Variants in PSMD1 observed in about 807,000 individuals in gnomAD.
The protein encoded by PSMD1 is proteasome 26S subunit, non-ATPase 1, also known as 26S proteasome non-ATPase regulatory subunit 1.
In PSMD1, 18 loss-of-function variants were observed where a neutral mutation model predicts 119.0. The observed-to-expected ratio is 0.15, with a 90% confidence interval of 0.10 to 0.22. PSMD1 has a LOEUF of 0.22. Among genes scored for constraint, PSMD1 ranks in the 10% least tolerant of loss-of-function variants. The probability of loss-of-function intolerance (pLI) is 1.00; values close to 1 mark genes in which losing one functional copy is unlikely to be tolerated. For synonymous variants in PSMD1, 374 were observed against 396.6 expected (o/e 0.94, Z 0.68); for missense variants, 702 against 1,158.5 (o/e 0.61, Z 5.72).
Position 231,130,487 on chromosome 2 carries a change from T to G in PSMD1, c.1884-8249T>G, listed in dbSNP as rs375924742. 3.3e-5 allele frequency among the ~76,000 whole-genome samples: 5 copies of G among 152,292 alleles called. No homozygotes were observed. In the East Asian group the frequency reaches 9.6e-4, roughly 29 times the overall value. On this transcript the variant is annotated intron_variant, in intron 16 of 24. Transcript: ENST00000308696. ...ACGTTGTTTTGTTTTGTTTTGTTTT[T>G]TGAGACAAGGCATCACTCTGTTGCC...
chr2:231,127,026 C>G (rs1392991797), intron 16 of PSMD1, among the ~76,000 whole-genome samples: 2 of 152,208 alleles, frequency 1.3e-5, no homozygotes, highest in East Asian at 3.9e-4. Flanking sequence ...TACACACATA[C>G]ACGCACACAC....
chr2:231,069,816 C>T (rs902227270), intron 5 of PSMD1, among the ~76,000 whole-genome samples: 2 of 151,986 alleles, frequency 1.3e-5, no homozygotes, highest in Non-Finnish European at 2.9e-5. Context: ...TATTTTTAAT[C>T]CATTTTTTAT....
chr2:231,078,101 C>G (rs1434869405), intron 9 of PSMD1, among the ~76,000 whole-genome samples: 2 of 152,300 alleles, frequency 1.3e-5, no homozygotes, highest in Non-Finnish European at 2.9e-5. Flanking sequence ...AACCCCGTCT[C>G]TACTTAAAAT....
chr2:231,114,834 A>G lies in PSMD1; in HGVS notation c.1884-23902A>G, dbSNP rs190298128. Among the ~76,000 whole-genome samples the G allele has an allele frequency of 1.1e-4, 16 of 152,312 alleles. No homozygotes were observed. The East Asian group carries it at 2.3e-3, about 22-fold the overall frequency. ...GAATTTAATATATTATGCATTATAT[A>G]TTACACCCACCACTTAACATGTTTA... On this transcript the variant is annotated intron_variant, in intron 16 of 24. Transcript: ENST00000308696.
intron 18 of PSMD1, among the ~76,000 whole-genome samples, chr2:231,147,718 T>C (rs928388018): frequency 3.9e-5 from 6 of 152,232 alleles, no homozygotes; most frequent in Non-Finnish European, 7.3e-5. Flanking sequence ...TTCTTAAAGC[T>C]AGGGACTTTA....
chr2:231,060,171 G>C (rs1413357323), intron 1 of PSMD1, among the ~76,000 whole-genome samples: 2 of 152,144 alleles, frequency 1.3e-5, no homozygotes, highest in Non-Finnish European at 2.9e-5. Context: ...AAATTTATCT[G>C]TTCCCTGTGC....
chr2:231,090,141 A>G (rs1423764610), intron 16 of PSMD1, among the ~76,000 whole-genome samples: 1 of 152,218 alleles, frequency 6.6e-6, no homozygotes, highest in East Asian at 1.9e-4. Context: ...GTACAAGGAG[A>G]TTAATGTTAT....
At chr2:231,122,632 G>C (rs1490891825) in intron 16 of PSMD1, among the ~76,000 whole-genome samples, 3 of 152,028 alleles carry the variant, frequency 2.0e-5, no homozygotes, top group African/African-American at 4.8e-5. Flanking sequence ...TTTATAACTA[G>C]AGATGATATG....
At chr2:231,086,683 C>T (rs1396351620) in intron 15 of PSMD1, among the ~76,000 whole-genome samples, 1 of 152,034 alleles carries the variant, frequency 6.6e-6, no homozygotes, top group African/African-American at 2.4e-5. Context: ...AGAAAAGTAA[C>T]CCTGAATCTT....
intron 16 of PSMD1, among the ~76,000 whole-genome samples, chr2:231,105,873 G>T (rs1203300462): frequency 6.6e-6 from 1 of 151,800 alleles, no homozygotes; most frequent in Admixed American, 6.6e-5. Context: ...CATATTCTCT[G>T]TATACTGTTC....
intron 16 of PSMD1, among the ~76,000 whole-genome samples, chr2:231,096,421 C>A (rs1024521275): frequency 6.6e-6 from 1 of 152,122 alleles, no homozygotes; most frequent in Non-Finnish European, 1.5e-5. Flanking sequence ...ATAGCAGGAC[C>A]AAAGCAGCCC....
chr2:231,087,204 T>G, intron 16 of PSMD1, 23 bp downstream of exon 16: 1 of 1,596,876 alleles, frequency 6.3e-7, no homozygotes, highest in South Asian at 1.1e-5. Flanking sequence ...AACTTCTTAT[T>G]CTATTTATAT....
At chr2:231,057,086 C>T (rs1693612153) in intron 1 of PSMD1, 45 bp downstream of exon 1, 1 of 1,482,312 alleles carries the variant, frequency 6.7e-7, no homozygotes, top group Admixed American at 2.3e-5. Flanking sequence ...GAGCCGCCGC[C>T]GCGCCGGCTT....
intron 16 of PSMD1, among the ~76,000 whole-genome samples, chr2:231,130,838 G>A (rs1475581728): frequency 6.6e-6 from 1 of 152,090 alleles, no homozygotes; most frequent in Non-Finnish European, 1.5e-5. Context: ...TAAATACTTT[G>A]TTATAAATGC....
At chr2:231,125,087 G>C (rs946967218) in intron 16 of PSMD1, 4 of 152,178 alleles carry the variant, frequency 2.6e-5, no homozygotes, top group African/African-American at 9.7e-5. Flanking sequence ...CAGCACAGGC[G>C]GTTGAAAGCA....
chr2:231,109,255 G>C (rs1165324858), intron 16 of PSMD1: 2 of 1,614,034 alleles, frequency 1.2e-6, no homozygotes, highest in East Asian at 2.2e-5. Flanking sequence ...TGAGAAAGTA[G>C]GTGACAATCA....
chr2:231,075,741 G>A (rs553157296), intron 8 of PSMD1, among the ~76,000 whole-genome samples, 170 bp downstream of exon 8: 1 of 151,908 alleles, frequency 6.6e-6, no homozygotes, highest in Non-Finnish European at 1.5e-5. Flanking sequence ...GTACCACCAC[G>A]CCTGGCTAAG....
intron 19 of PSMD1, among the ~76,000 whole-genome samples, chr2:231,154,467 T>A (rs1160081231): frequency 6.6e-6 from 1 of 152,010 alleles, no homozygotes; most frequent in Non-Finnish European, 1.5e-5. Flanking sequence ...GTTGGTTGGT[T>A]TTTTGTTATT....
chr2:231,170,854 T>TTACCTAAACAGTACCTAAACAGTA lies in PSMD1; in HGVS notation c.*9+133_*9+134insTACCTAAACAGTACCTAAACAGTA. On this transcript the variant is annotated intron_variant, in intron 24 of 24. Transcript: ENST00000308696. The surrounding 1 kb of genome is among the most constrained non-coding windows in gnomAD (Gnocchi z 4.1). ...TATTTACCTAAACAGTATTAAAACT[T>TTACCTAAACAGTACCTAAACAGTA]CCCCGTTTCAACCTTTTTCTGCATA... 1 of 991,478 alleles carries TTACCTAAACAGTACCTAAACAGTA rather than the reference T, an allele frequency of 1.0e-6. No homozygotes were observed. The highest frequency in any genetic ancestry group is 1.4e-6 in the Non-Finnish European group (1 of 712,250). 61.4% of individuals were successfully genotyped at this position (991,478 alleles called of 1,614,324 possible).
Sources: allele counts gnomAD v4.1 joint callset (sites outside exome capture counted in the v4.1 genomes callset), GRCh38; gene constraint gnomAD v4.1.1; non-coding constraint Gnocchi (gnomAD v3.1); transcripts MANE v1.5; gene names NCBI Gene and HGNC (gene_info 2026-07-23, HGNC 2026-07-21).